Variants in FBXO34 observed in about 807,000 individuals in gnomAD.
The protein encoded by FBXO34 is F-box only protein 34.
A neutral mutation model predicts 24.5 loss-of-function variants in FBXO34; 12 were observed. The ratio of observed to expected loss-of-function variants is 0.49; its 90% CI spans 0.31 to 0.79. The LOEUF is 0.79. FBXO34 is among the 30% of genes least tolerant of loss of function. The pLI, the probability that FBXO34 is intolerant of heterozygous loss-of-function variation, is 0.04. For synonymous variants in FBXO34, 320 were observed against 311.9 expected (o/e 1.03, Z -0.27); for missense variants, 823 against 857.7 (o/e 0.96, Z 0.51).
chr14:55,310,785 A>G (rs1337327638), intron 1 of FBXO34, among the ~76,000 whole-genome samples: 1 of 152,166 alleles, frequency 6.6e-6, no homozygotes, highest in Non-Finnish European at 1.5e-5. Flanking sequence ...GATTGCCTCA[A>G]TTCTCTTTGC....
chr14:55,318,541 A>G (rs998471909), intron 1 of FBXO34, among the ~76,000 whole-genome samples: 9 of 92,320 alleles, frequency 9.7e-5, no homozygotes, highest in South Asian at 3.2e-4. Flanking sequence ...TTTTGTTTTT[A>G]TTTTTAGAGA....
intron 1 of FBXO34, among the ~76,000 whole-genome samples, chr14:55,323,546 C>G (rs1883241176): frequency 6.6e-6 from 1 of 151,696 alleles, no homozygotes; most frequent in South Asian, 2.1e-4. Flanking sequence ...CCACGTCCAG[C>G]TAATTTTTGC....
In FBXO34 at chr14:55,351,343, C is replaced by T. The variant is rs1041177188; in HGVS notation, c.953C>T (p.Ala318Val). Residue 318 changes from alanine (A) to valine (V), a missense_variant, in exon 2 of 2, where the codon GCA becomes GTA. Ala to Val is a moderately conservative substitution (Grantham distance 64). Coordinates refer to ENST00000313833, the MANE Select transcript of FBXO34 (RefSeq NM_017943.4). ...CGAAATGTGGGCAGAGTATTGCTTGCAAATAGCACTCAGGCTGATGAAGGC... is the reference window on the plus strand; with the variant it reads ...CGAAATGTGGGCAGAGTATTGCTTGTAAATAGCACTCAGGCTGATGAAGGC... The part of the protein sequence containing the change: ...FRRNVGRVLL[A>V]NSTQADEGKT... The T allele has an allele frequency of 1.9e-6, 3 of 1,614,052 alleles. No homozygotes were observed. In the Admixed American group the frequency reaches 5.0e-5, roughly 27 times the overall value.
the FBXO34 span, among the ~76,000 whole-genome samples, chr14:55,422,895 C>T: frequency 6.6e-6 from 1 of 151,750 alleles, no homozygotes; most frequent in African/African-American, 2.4e-5. Context: ...ATATAGCAAC[C>T]TTCTGTAGAA....
chr14:55,304,820 A>G (rs1882484231), intron 1 of FBXO34, among the ~76,000 whole-genome samples: 1 of 152,074 alleles, frequency 6.6e-6, no homozygotes, highest in Non-Finnish European at 1.5e-5. Context: ...TTTTTATTGT[A>G]ATAATCTTTC....
chr14:55,341,616 C>T (rs1244823723), intron 1 of FBXO34, among the ~76,000 whole-genome samples: 1 of 152,118 alleles, frequency 6.6e-6, no homozygotes, highest in Non-Finnish European at 1.5e-5. Context: ...TTAAATTTTC[C>T]TGGTAATGCT....
intron 1 of FBXO34, among the ~76,000 whole-genome samples, chr14:55,343,609 G>A (rs1884062536): frequency 6.6e-6 from 1 of 151,906 alleles, no homozygotes; most frequent in Admixed American, 6.6e-5. Flanking sequence ...ACTCCTTTTT[G>A]GAATTAGCAT....
chr14:55,405,688 G>A, the FBXO34 span, among the ~76,000 whole-genome samples: 14 of 152,176 alleles, frequency 9.2e-5, no homozygotes, highest in Admixed American at 2.0e-4. Context: ...TCTGGTGTCA[G>A]ACAAATACAT....
At chr14:55,362,776 G>C (rs184972727), downstream of FBXO34, among the ~76,000 whole-genome samples, 115 of 152,120 alleles carry the variant, frequency 7.6e-4, no homozygotes, top group Non-Finnish European at 1.3e-4. Flanking sequence ...AAACCACTTG[G>C]CACTTTCATT....
At chr14:55,289,723 A>T (rs1035105350) in intron 1 of FBXO34, among the ~76,000 whole-genome samples, 1 of 151,800 alleles carries the variant, frequency 6.6e-6, no homozygotes, top group Non-Finnish European at 1.5e-5. Context: ...TTATTTATTT[A>T]TTTTTGTAGA....
the FBXO34 span, among the ~76,000 whole-genome samples, chr14:55,426,527 GGCCTC>G: frequency 6.6e-6 from 1 of 152,010 alleles, no homozygotes; most frequent in East Asian, 1.9e-4. Context: ...CAATTAGAGA[GGCCTC>G]ATGTTAAAAA....
downstream of FBXO34, among the ~76,000 whole-genome samples, chr14:55,354,292 T>A (rs1594769993): frequency 6.6e-6 from 1 of 152,228 alleles, no homozygotes; most frequent in Non-Finnish European, 1.5e-5. Flanking sequence ...TTTGTCCTAC[T>A]CCCCTTGTAT....
chr14:55,349,607 CTTTT>C (rs57284715), intron 1 of FBXO34, among the ~76,000 whole-genome samples: 3 of 116,630 alleles, frequency 2.6e-5, no homozygotes, highest in Admixed American at 9.3e-5. Context: ...CAATAATTTT[CTTTT>C]TTTTTTTTTT....
chr14:55,290,639 A>G lies in FBXO34; in HGVS notation c.-11+19102A>G, dbSNP rs149381132. On this transcript the variant is annotated intron_variant, in intron 1 of 1. Coordinates refer to ENST00000313833, the MANE Select transcript of FBXO34 (RefSeq NM_017943.4). ...GGGTGCATGAAAGGGCAGAGGTTCT[A>G]TGTTACCCTTTTAAAGGAAGGTTTC... Among the ~76,000 whole-genome samples the G allele has an allele frequency of 2.3e-3, 356 of 152,248 alleles. 5 individuals carry two copies. Among genetic ancestry groups the G allele is most frequent in the Admixed American group, 0.02 (312 of 15,294 alleles).
chr14:55,316,779 C>T (rs1882945275), intron 1 of FBXO34, among the ~76,000 whole-genome samples: 1 of 151,408 alleles, frequency 6.6e-6, no homozygotes, highest in Admixed American at 6.6e-5. Flanking sequence ...GAGCATTAAA[C>T]CGATTTTCAG....
chr14:55,351,541 T>C lies in FBXO34; in HGVS notation c.1151T>C (p.Ile384Thr). The change falls in exon 2 of 2, where the codon ATA becomes ACA. Residue 384 changes from isoleucine (I) to threonine (T), a missense_variant. By Grantham distance (89) the Ile-to-Thr change is moderately conservative. Coordinates refer to ENST00000313833, the MANE Select transcript of FBXO34 (RefSeq NM_017943.4). The stretch of plus-strand genomic sequence containing the variant: ...TTGCCAGCAGGAGTGAGTTTCCACA[T>C]AGACAGTGCAGAGTTAGAGCCGGGT... ...PPLPAGVSFHIDSAELEPGSQ... is the reference protein window; with the variant it reads ...PPLPAGVSFHTDSAELEPGSQ... 2 of 1,614,070 alleles carry C rather than the reference T, an allele frequency of 1.2e-6. No homozygotes were observed. Among genetic ancestry groups the C allele is most frequent in the South Asian group, 1.1e-5 (1 of 91,080 alleles).
At position 55,343,559 on chromosome 14, in the gene FBXO34, G is replaced by A. The variant is rs576061570; in HGVS notation, c.-10-6822G>A. Reference sequence around the variant, plus strand: ...CCATGCCCCCAGCCATTATTCCTCCGATTTTTATAAATAAAGAGTGGCTCT... The same window carrying A: ...CCATGCCCCCAGCCATTATTCCTCCAATTTTTATAAATAAAGAGTGGCTCT... On this transcript the variant is annotated intron_variant, in intron 1 of 1. Transcript: ENST00000313833. 3.3e-5 allele frequency among the ~76,000 whole-genome samples: 5 copies of A among 152,118 alleles called. No homozygotes were observed. In the South Asian group the frequency reaches 8.3e-4, roughly 25 times the overall value.
At chr14:55,378,665 A>G in the FBXO34 span, among the ~76,000 whole-genome samples, 1 of 151,386 alleles carries the variant, frequency 6.6e-6, no homozygotes, top group Non-Finnish European at 1.5e-5. Flanking sequence ...CCACTCAAAC[A>G]CAGCAAGCCC....
chr14:55,365,587 A>G (rs1347094275), downstream of FBXO34, among the ~76,000 whole-genome samples: 1 of 152,036 alleles, frequency 6.6e-6, no homozygotes, highest in Non-Finnish European at 1.5e-5. Flanking sequence ...ATTCCTCCCA[A>G]TCTGTTTCCT....
Sources: gnomAD v4.1 joint callset for allele counts (sites outside exome capture counted in the v4.1 genomes callset) on GRCh38, gnomAD v4.1.1 for gene constraint, MANE v1.5 for transcripts, NCBI Gene and HGNC (gene_info 2026-07-23, HGNC 2026-07-21) for gene names.